ABCA13: variants seen among roughly 807,000 people sequenced by gnomAD.
ABCA13 encodes the protein ATP-binding cassette sub-family A member 13.
A neutral mutation model predicts 478.7 loss-of-function variants in ABCA13; 476 were observed. The ratio of observed to expected loss-of-function variants is 0.99; its 90% CI spans 0.92 to 1.07. The LOEUF (loss-of-function observed/expected upper bound fraction) is 1.07. Among genes scored for constraint, ABCA13 ranks in the 50% least tolerant of loss-of-function variants. The pLI, the probability that ABCA13 is intolerant of heterozygous loss-of-function variation, is 0.00. For missense variants in ABCA13, 6,060 were observed against 5,910.6 expected, an observed-to-expected ratio of 1.03 and a Z score of -0.83; for synonymous variants, 2,252 against 2,158.9, an observed-to-expected ratio of 1.04 and a Z score of -1.20.
chr7:48,420,882 GC>G, intron 41 of ABCA13, among the ~76,000 whole-genome samples: 1 of 152,030 alleles, frequency 6.6e-6, no homozygotes, highest in East Asian at 1.9e-4. Context: ...TCAGTTGCAG[GC>G]CTCTTTAGTC....
chr7:48,594,270 T>A (rs1051895509), intron 57 of ABCA13, among the ~76,000 whole-genome samples: 43 of 152,158 alleles, frequency 2.8e-4, no homozygotes, highest in African/African-American at 4.6e-4. Context: ...TTTACTTTTT[T>A]AAAATTTTCC....
At chr7:48,479,829 G>A (rs1191316687) in intron 45 of ABCA13, among the ~76,000 whole-genome samples, 3 of 152,004 alleles carry the variant, frequency 2.0e-5, no homozygotes, top group South Asian at 2.1e-4. Context: ...AATGCATATC[G>A]CCCTTCTTAC....
chr7:48,599,692 G>C (rs183398832), intron 58 of ABCA13, among the ~76,000 whole-genome samples: 1 of 152,276 alleles, frequency 6.6e-6, no homozygotes, highest in East Asian at 1.9e-4. Context: ...CAACTCCACT[G>C]TGTAGTGTGA....
rs76703026 is a variant in ABCA13, at chr7:48,374,480, T to C, written c.11203+64T>C. On this transcript the variant is annotated intron_variant, in intron 34 of 61. Coordinates refer to ENST00000435803, the MANE Select transcript of ABCA13 (RefSeq NM_152701.5). ...TCACGTTTTTGGAAATTAATAGTTA[T>C]ATTGCAAGTGATCCAGTAGGAAGTC... 6,951 of 1,395,478 alleles carry C rather than the reference T, an allele frequency of 5.0e-3. 32 individuals carry two copies. The highest frequency in any genetic ancestry group is 6.0e-3 in the Non-Finnish European group (6,050 of 1,009,594). The allele number at this position is 1,395,478 out of a possible 1,614,324, so 86.4% of individuals were successfully genotyped here. A position where few individuals can be genotyped will look rare whatever the true frequency, so the allele number is the denominator to read the frequency against.
chr7:48,372,121 C>T, intron 32 of ABCA13, 47 bp from the exon 33 acceptor site: 1 of 1,520,482 alleles, frequency 6.6e-7, no homozygotes, highest in Non-Finnish European at 8.9e-7. Flanking sequence ...TGTTCTTCCT[C>T]AAGTACGCAT....
At chr7:48,201,381 C>A (rs917175450) in intron 3 of ABCA13, among the ~76,000 whole-genome samples, 2 of 152,264 alleles carry the variant, frequency 1.3e-5, no homozygotes, top group Admixed American at 1.3e-4. Context: ...CGCTCTCGGG[C>A]ATAAAGACAG....
chr7:48,522,309 A>G (rs934238412), intron 53 of ABCA13, among the ~76,000 whole-genome samples: 1 of 152,056 alleles, frequency 6.6e-6, no homozygotes, highest in African/African-American at 2.4e-5. Context: ...GTCCTTCCCT[A>G]ACCTGCGCTG....
chr7:48,262,593 A>G (rs777526889), intron 15 of ABCA13, among the ~76,000 whole-genome samples: 5 of 151,340 alleles, frequency 3.3e-5, no homozygotes, highest in Non-Finnish European at 7.4e-5. Context: ...CATTCATTTT[A>G]TCTATGTGGT....
At chr7:48,579,672 G>T (rs1403845317) in intron 55 of ABCA13, among the ~76,000 whole-genome samples, 1 of 152,102 alleles carries the variant, frequency 6.6e-6, no homozygotes, top group African/African-American at 2.4e-5. Context: ...CAAAAAATAA[G>T]ACTCAAGGAG....
At chr7:48,493,587 T>G (rs954747920) in intron 48 of ABCA13, among the ~76,000 whole-genome samples, 1 of 152,122 alleles carries the variant, frequency 6.6e-6, no homozygotes, top group Admixed American at 6.5e-5. Context: ...TGATAGCAGT[T>G]GTAAAGGTTA....
intron 1 of ABCA13, among the ~76,000 whole-genome samples, chr7:48,181,557 C>T (rs978697191): frequency 2.0e-5 from 3 of 146,570 alleles, no homozygotes; most frequent in Admixed American, 1.4e-4. Flanking sequence ...AATGTTTTAT[C>T]TTTTTTTTTT....
chr7:48,486,464 GT>G (rs976804938), intron 47 of ABCA13, among the ~76,000 whole-genome samples: 3 of 152,094 alleles, frequency 2.0e-5, no homozygotes, highest in African/African-American at 7.2e-5. Flanking sequence ...ATTTATAGCA[GT>G]TTGTTTTTTA....
intron 48 of ABCA13, among the ~76,000 whole-genome samples, chr7:48,493,604 T>G (rs1165826061): frequency 2.0e-5 from 3 of 152,182 alleles, no homozygotes; most frequent in Non-Finnish European, 2.9e-5. Context: ...GTTAAACTTC[T>G]TCAACTACTT....
At chr7:48,551,081 T>C (rs1271504516) in intron 55 of ABCA13, among the ~76,000 whole-genome samples, 1 of 151,902 alleles carries the variant, frequency 6.6e-6, no homozygotes, top group Non-Finnish European at 1.5e-5. Flanking sequence ...TATTTTTCTT[T>C]TAAATTAGTT....
At chr7:48,462,923 T>A (rs1434311234) in intron 43 of ABCA13, among the ~76,000 whole-genome samples, 1 of 152,222 alleles carries the variant, frequency 6.6e-6, no homozygotes, top group African/African-American at 2.4e-5. Context: ...ATCCATCTTT[T>A]AATTCTTTAT....
intron 52 of ABCA13, among the ~76,000 whole-genome samples, chr7:48,517,523 T>C (rs1271123096): frequency 1.3e-5 from 2 of 152,166 alleles, no homozygotes; most frequent in Non-Finnish European, 2.9e-5. Context: ...TTAAATGTCA[T>C]CTCCAGCTGG....
intron 7 of ABCA13, among the ~76,000 whole-genome samples, chr7:48,231,244 A>C (rs1434877811): frequency 1.3e-5 from 2 of 152,182 alleles, no homozygotes; most frequent in Non-Finnish European, 2.9e-5. Context: ...TCAATAATAA[A>C]AAACAAACAA....
At position 48,193,070 on chromosome 7, in the gene ABCA13, A is replaced by T; in HGVS notation, c.163+18A>T. ...AGACATTTGTAAGTTTCACTTTTTA[A>T]TATACTTTTTGAATTAACCTTTGGA... is the stretch of plus-strand genomic sequence containing the variant. On this transcript the variant is annotated intron_variant, in intron 2 of 61. Coordinates refer to ENST00000435803, the MANE Select transcript of ABCA13 (RefSeq NM_152701.5). The T allele has an allele frequency of 6.7e-7, 1 of 1,502,714 alleles. No homozygotes were observed. Among genetic ancestry groups the T allele is most frequent in the South Asian group, 1.3e-5 (1 of 78,836 alleles). The allele number at this position is 1,502,714 out of a possible 1,614,324, so 93.1% of individuals were successfully genotyped here. A position where few individuals can be genotyped will look rare whatever the true frequency, so the allele number is the denominator to read the frequency against.
In ABCA13 at chr7:48,281,467, T is replaced by C; in HGVS notation, c.8836+15T>C. ...CATCGTTGCAGGTGGGCTGCTCATA[T>C]AACAAGTGCTCTGCAATTGCCCTGT... On this transcript the variant is annotated intron_variant, in intron 19 of 61. Coordinates refer to ENST00000435803, the MANE Select transcript of ABCA13 (RefSeq NM_152701.5). 6.3e-7 allele frequency: 1 copy of C among 1,575,084 alleles called. No homozygotes were observed. The highest frequency in any genetic ancestry group is 8.6e-7 in the Non-Finnish European group (1 of 1,159,048).
Sources: allele counts gnomAD v4.1 joint callset (sites outside exome capture counted in the v4.1 genomes callset), GRCh38; gene constraint gnomAD v4.1.1; transcripts MANE v1.5; gene names NCBI Gene and HGNC (gene_info 2026-07-23, HGNC 2026-07-21).